The following GLI4 variants were observed in gnomAD, a reference collection of about 807,000 sequenced individuals.
GLI4 encodes zinc finger protein GLI4.
Under a neutral mutation model 30.9 loss-of-function variants are expected in GLI4, and 34 were observed. That is an observed-to-expected ratio of 1.10 (90% CI 0.84 to 1.47). The LOEUF is 1.47. Among genes scored for constraint, GLI4 ranks in the 40% most tolerant of loss-of-function variants. GLI4 has a pLI of 0.00. For synonymous variants in GLI4, 277 were observed against 236.7 expected (o/e 1.17, Z -1.56); for missense variants, 696 against 538.9 (o/e 1.29, Z -2.89).
At chr8:143,273,575 A>G (rs1485497545) in intron 2 of GLI4, among the ~76,000 whole-genome samples, 1 of 151,848 alleles carries the variant, frequency 6.6e-6, no homozygotes. Context: ...ACCCCACCGC[A>G]GCTGGGGCAG....
intron 2 of GLI4, among the ~76,000 whole-genome samples, chr8:143,273,973 G>A (rs986768215): frequency 7.9e-5 from 12 of 152,212 alleles, no homozygotes; most frequent in African/African-American, 2.2e-4. Flanking sequence ...CACTGGCCTC[G>A]GGCAGTGGAG....
intron 2 of GLI4, chr8:143,274,323 G>T (rs1254940375): frequency 6.0e-6 from 1 of 165,556 alleles, no homozygotes; most frequent in Non-Finnish European, 1.3e-5. Flanking sequence ...CCAGCACTTT[G>T]AGAGGCCGGT....
In GLI4 at chr8:143,276,611, A is replaced by G; in HGVS notation, c.938A>G (p.His313Arg). Residue 313 changes from histidine to arginine, a missense_variant, in exon 4 of 4, where the codon CAC (histidine) becomes CGC (arginine). Physicochemically the swap from His to Arg is conservative, Grantham distance 29. Transcript: ENST00000340042. The part of the protein sequence containing the change: ...AFIWSSVLIE[H>R]QRIHTGEKPY... ...ATCTGGAGCTCCGTGCTCATCGAGC[A>G]CCAGCGCATCCACACTGGCGAGAAG... 1 of 1,612,650 alleles carries G rather than the reference A, an allele frequency of 6.2e-7. No individual in the cohort carries two copies. Among genetic ancestry groups the G allele is most frequent in the Non-Finnish European group, 8.5e-7 (1 of 1,179,742 alleles).
intron 1 of GLI4, chr8:143,267,704 G>T (rs1815168173): frequency 1.2e-5 from 12 of 985,412 alleles, no homozygotes; most frequent in Non-Finnish European, 1.4e-5. Context: ...CGGCCCTGGC[G>T]ATAGCGGGTG....
Position 143,274,919 on chromosome 8 carries a change from T to C in GLI4, c.223+117T>C, listed in dbSNP as rs542051581. The C allele has an allele frequency of 4.1e-6, 6 of 1,478,190 alleles. No individual in the cohort carries two copies. In the South Asian group the frequency reaches 6.6e-5, roughly 16 times the overall value. The allele number at this position is 1,478,190 out of a possible 1,614,324, so 91.6% of individuals were successfully genotyped here. Reference sequence around the variant, plus strand: ...GCACCACCCCCTTCCTGGGGCCCCTTTTCTTCCCTGGCATCAGCTCACCTC... The same window carrying C: ...GCACCACCCCCTTCCTGGGGCCCCTCTTCTTCCCTGGCATCAGCTCACCTC... On this transcript the variant is annotated intron_variant, in intron 3 of 3. Transcript: ENST00000340042.
intron 2 of GLI4, among the ~76,000 whole-genome samples, chr8:143,274,104 C>T (rs1815331263): frequency 6.6e-6 from 1 of 152,150 alleles, no homozygotes; most frequent in Admixed American, 6.5e-5. Context: ...CCTGGTGTGC[C>T]CAGGGGTGAG....
rs371031775 is a variant in GLI4 at position 143,276,459 on chromosome 8, C to T, written c.786C>T (p.Asn262=). The change falls in exon 4 of 4, where the codon AAC becomes AAT. Residue 262 remains asparagine (N), a synonymous_variant. Transcript: ENST00000340042. ...SHFTQHLRIH[N]GEKPYKCGEC... is the part of the protein sequence containing the mutation. ...TCACGCAGCACCTGCGCATCCACAA[C>T]GGCGAGAAGCCCTACAAGTGCGGCG... 3 of 1,611,862 alleles carry T rather than the reference C, an allele frequency of 1.9e-6. No individual in the cohort carries two copies. The highest frequency in any genetic ancestry group is 2.7e-5 in the African/African-American group (2 of 74,502).
Position 143,276,353 on chromosome 8 carries a change from T to A in GLI4, c.680T>A (p.Ile227Asn). The A allele has an allele frequency of 1.2e-6, 2 of 1,610,286 alleles. No homozygotes were observed. The highest frequency in any genetic ancestry group is 1.7e-6 in the Non-Finnish European group (2 of 1,179,084). The change falls in exon 4 of 4, where the codon ATC becomes AAC. Residue 227 changes from isoleucine to asparagine, a missense_variant. Coordinates refer to ENST00000340042, the MANE Select transcript of GLI4 (RefSeq NM_138465.4). ...CGCTTCCGCGGCTGGTCGGGCTTCA[T>A]CCAGCACCACCGCATCCACACGGGC... is the stretch of plus-strand genomic sequence containing the variant. ...GKRFRGWSGF[I>N]QHHRIHTGEK...
rs910188678 is a variant in GLI4 at position 143,276,115 on chromosome 8, G to C, written c.442G>C (p.Val148Leu). The change falls in exon 4 of 4, where the codon GTG (valine) becomes CTG (leucine). Residue 148 changes from valine (V) to leucine (L), a missense_variant. Coordinates refer to ENST00000340042, the MANE Select transcript of GLI4 (RefSeq NM_138465.4). ...GCGGGGCGCCTGGCGCGTGACGCTC[G>C]TGCAGCAAGCAGCGGCCGGGCCCGA... ...QPRGAWRVTL[V>L]QQAAAGPEGA... The C allele has an allele frequency of 1.3e-6, 2 of 1,504,598 alleles. No individual in the cohort carries two copies. Among genetic ancestry groups the C allele is most frequent in the Admixed American group, 2.3e-5 (1 of 43,622 alleles). 93.2% of individuals were successfully genotyped at this position (1,504,598 alleles called of 1,614,324 possible).
chr8:143,267,562 G>C (rs1393879313), intron 1 of GLI4, 78 bp downstream of exon 1: 1 of 985,302 alleles, frequency 1.0e-6, no homozygotes, highest in Non-Finnish European at 1.2e-6. Context: ...CGTACTCCGC[G>C]GTGCAGCCCT....
At chr8:143,271,656 T>G (rs1451403252) in intron 2 of GLI4, among the ~76,000 whole-genome samples, 1 of 152,184 alleles carries the variant, frequency 6.6e-6, no homozygotes, top group African/African-American at 2.4e-5. Context: ...CAGGCACATG[T>G]GGTCACCTCA....
chr8:143,273,812 C>T (rs1440872414), intron 2 of GLI4, among the ~76,000 whole-genome samples: 1 of 151,958 alleles, frequency 6.6e-6, no homozygotes, highest in Non-Finnish European at 1.5e-5. Context: ...AGCCCCCAGC[C>T]ACCCTCTCTG....
chr8:143,274,541 A>G, intron 2 of GLI4, 163 bp from the exon 3 acceptor site: 2 of 560,708 alleles, frequency 3.6e-6, no homozygotes, highest in Non-Finnish European at 5.8e-6. Flanking sequence ...GGTAAAGGGC[A>G]TTCGTGGCTA....
At chr8:143,275,118 G>T in intron 3 of GLI4, 2 of 1,535,642 alleles carry the variant, frequency 1.3e-6, no homozygotes, top group Non-Finnish European at 1.7e-6. Context: ...TTGGGCTGGG[G>T]CTTCTGGCTC....
intron 3 of GLI4, 72 bp from the exon 4 acceptor site, chr8:143,275,824 TC>T: frequency 8.0e-7 from 1 of 1,249,390 alleles, no homozygotes; most frequent in Non-Finnish European, 1.0e-6. Context: ...CTGCTCTCAC[TC>T]CCCGTCCCCG....
chr8:143,269,230 C>T (rs1488011206), intron 1 of GLI4, 130 bp from the exon 2 acceptor site: 12 of 710,164 alleles, frequency 1.7e-5, no homozygotes, highest in Non-Finnish European at 2.9e-5. Flanking sequence ...GTTCATCCTC[C>T]ATCCTTGCTC....
rs147593320 is a variant in GLI4 at position 143,276,607 on chromosome 8, G to A, written c.934G>A (p.Glu312Lys). The A allele has an allele frequency of 3.1e-6, 5 of 1,590,798 alleles. No homozygotes were observed. Among genetic ancestry groups the A allele is most frequent in the African/African-American group, 1.4e-5 (1 of 69,654 alleles). ...CTTCATCTGGAGCTCCGTGCTCATC[G>A]AGCACCAGCGCATCCACACTGGCGA... Reference protein sequence around the residue: ...KAFIWSSVLIEHQRIHTGEKP... With the variant: ...KAFIWSSVLIKHQRIHTGEKP... Residue 312 changes from glutamate (E) to lysine (K), a missense_variant, in exon 4 of 4, where the codon GAG (glutamate) becomes AAG (lysine). Coordinates refer to ENST00000340042, the MANE Select transcript of GLI4 (RefSeq NM_138465.4).
intron 1 of GLI4, chr8:143,267,688 GC>G: frequency 1.0e-6 from 1 of 985,134 alleles, no homozygotes; most frequent in Non-Finnish European, 1.2e-6. Context: ...GGACCGCCCC[GC>G]CCAGCGGCCC....
chr8:143,268,047 G>A (rs1815177636), intron 1 of GLI4: 5 of 985,300 alleles, frequency 5.1e-6, no homozygotes, highest in Non-Finnish European at 3.6e-6. Flanking sequence ...CAGTCCTGGG[G>A]GCCAAGCCAG....
Sources: gnomAD v4.1 joint callset for allele counts (sites outside exome capture counted in the v4.1 genomes callset) on GRCh38, gnomAD v4.1.1 for gene constraint, MANE v1.5 for transcripts, NCBI Gene and HGNC (gene_info 2026-07-23, HGNC 2026-07-21) for gene names.